The following CSGALNACT1 variants were observed in gnomAD, a reference collection of about 807,000 sequenced individuals.
The protein encoded by CSGALNACT1 is chondroitin sulfate N-acetylgalactosaminyltransferase 1, also known as beta4GalNAcT-1.
In CSGALNACT1, 52 loss-of-function variants were observed where a neutral mutation model predicts 51.0. The ratio of observed to expected loss-of-function variants is 1.02; its 90% CI spans 0.82 to 1.29. The LOEUF (loss-of-function observed/expected upper bound fraction) is 1.29, where lower values mean the gene tolerates loss of function less well. Among genes scored for constraint, CSGALNACT1 ranks in the 50% most tolerant of loss-of-function variants. The probability of loss-of-function intolerance (pLI) is 0.00; values close to 1 mark genes in which losing one functional copy is unlikely to be tolerated. For synonymous variants in CSGALNACT1, 341 were observed against 254.4 expected, an observed-to-expected ratio of 1.34 and a Z score of -3.24; for missense variants, 935 against 679.2, an observed-to-expected ratio of 1.38 and a Z score of -4.19.
intron 1 of CSGALNACT1, among the ~76,000 whole-genome samples, chr8:19,713,033 A>G (rs775365996): frequency 6.6e-6 from 1 of 152,154 alleles, no homozygotes. Context: ...TCTTCCTCCC[A>G]TCTTTCCAGT....
chr8:19,508,684 A>G (rs2077838988), intron 3 of CSGALNACT1, among the ~76,000 whole-genome samples: 1 of 152,244 alleles, frequency 6.6e-6, no homozygotes. Flanking sequence ...GTCGTTAAAG[A>G]CAAAACAAGC....
chr8:19,657,200 C>G (rs761358220), intron 1 of CSGALNACT1, among the ~76,000 whole-genome samples: 2 of 146,966 alleles, frequency 1.4e-5, no homozygotes, highest in African/African-American at 5.0e-5. Flanking sequence ...CTGTAGAAAT[C>G]CAGAATAAAC....
chr8:19,677,050 C>A (rs989128298), intron 1 of CSGALNACT1, among the ~76,000 whole-genome samples: 3 of 151,546 alleles, frequency 2.0e-5, no homozygotes, highest in Non-Finnish European at 2.9e-5. Context: ...GTAGAAAATT[C>A]TTTCAGTAAA....
At chr8:19,560,992 A>C (rs2040579907) in intron 3 of CSGALNACT1, among the ~76,000 whole-genome samples, 1 of 152,246 alleles carries the variant, frequency 6.6e-6, no homozygotes, top group South Asian at 2.1e-4. Flanking sequence ...CAGCAGAATA[A>C]ATGCATCTTA....
chr8:19,593,404 G>C (rs1315108232), intron 2 of CSGALNACT1, among the ~76,000 whole-genome samples: 1 of 152,116 alleles, frequency 6.6e-6, no homozygotes, highest in African/African-American at 2.4e-5. Context: ...GGTCCTCCTG[G>C]GGCACCACAA....
At chr8:19,438,382 A>G (rs962135528) in intron 6 of CSGALNACT1, among the ~76,000 whole-genome samples, 4 of 152,310 alleles carry the variant, frequency 2.6e-5, no homozygotes, top group South Asian at 2.1e-4. Context: ...ACATGAATTT[A>G]TATCATTCAT....
At chr8:19,569,541 T>G (rs955425479) in intron 3 of CSGALNACT1, among the ~76,000 whole-genome samples, 3 of 152,184 alleles carry the variant, frequency 2.0e-5, no homozygotes, top group African/African-American at 7.2e-5. Context: ...ACTTTTAAAT[T>G]AGAGCTAGCA....
upstream of CSGALNACT1, chr8:19,602,775 G>C (rs2050726683): frequency 6.6e-6 from 1 of 152,016 alleles, no homozygotes; most frequent in Admixed American, 6.6e-5. Context: ...AGAGGTGCAA[G>C]CAAAATACTC....
intron 5 of CSGALNACT1, among the ~76,000 whole-genome samples, chr8:19,455,867 C>A (rs1483228913): frequency 1.3e-5 from 2 of 152,224 alleles, no homozygotes; most frequent in Non-Finnish European, 2.9e-5. Context: ...TTCAATTCAT[C>A]TTCTGATCCC....
At chr8:19,471,139 AG>A (rs970714195) in intron 4 of CSGALNACT1, among the ~76,000 whole-genome samples, 25 of 151,798 alleles carry the variant, frequency 1.6e-4, no homozygotes, top group African/African-American at 6.1e-4. Flanking sequence ...GGAGAGAGAG[AG>A]AAAAAAAAAG....
At chr8:19,447,233 T>A (rs539685497) in intron 5 of CSGALNACT1, among the ~76,000 whole-genome samples, 1 of 152,132 alleles carries the variant, frequency 6.6e-6, no homozygotes, top group Admixed American at 6.5e-5. Flanking sequence ...CTGAGCCACA[T>A]GAGGAATGCA....
At chr8:19,418,885 C>T in intron 7 of CSGALNACT1, 135 bp from the exon 7 acceptor site, 2 of 706,520 alleles carry the variant, frequency 2.8e-6, no homozygotes, top group Non-Finnish European at 2.6e-6. Context: ...GTCTCACTGT[C>T]ACCCAGGCTG....
chr8:19,630,510 G>C (rs569852435), intron 1 of CSGALNACT1, among the ~76,000 whole-genome samples: 1 of 151,912 alleles, frequency 6.6e-6, no homozygotes, highest in South Asian at 2.1e-4. Flanking sequence ...TTTACATTAG[G>C]ATTCACTCTT....
chr8:19,597,828 C>T (rs895003991), intron 2 of CSGALNACT1, among the ~76,000 whole-genome samples: 4 of 152,240 alleles, frequency 2.6e-5, no homozygotes, highest in African/African-American at 9.6e-5. Context: ...TAGGAACATA[C>T]ATATGCTAGA....
intron 6 of CSGALNACT1, among the ~76,000 whole-genome samples, chr8:19,426,674 A>G (rs2058823278): frequency 2.6e-5 from 4 of 152,310 alleles, no homozygotes; most frequent in Admixed American, 2.0e-4. Context: ...CTGTTTTTAT[A>G]TAATAAATCT....
intron 2 of CSGALNACT1, among the ~76,000 whole-genome samples, chr8:19,598,454 C>T (rs745727001): frequency 5.8e-4 from 88 of 152,154 alleles, no homozygotes; most frequent in Non-Finnish European, 9.7e-4. Context: ...CAAAGGAAGG[C>T]CACTTTATAA....
In CSGALNACT1 at chr8:19,448,851, T is replaced by C. The variant is rs144404688; in HGVS notation, c.852-8920A>G. ...GAAATGACATGTAAAAGACCTGATG[T>C]TCCCAAACTCTATCTGTAGTCTTCT... On this transcript the variant is annotated intron_variant, in intron 5 of 9. Coordinates refer to ENST00000454498, the Ensembl canonical transcript of CSGALNACT1. Among the ~76,000 whole-genome samples the C allele has an allele frequency of 3.6e-3, 549 of 152,330 alleles. 2 individuals are homozygous for C. Among genetic ancestry groups the C allele is most frequent in the Non-Finnish European group, 5.8e-3 (395 of 68,024 alleles).
intron 3 of CSGALNACT1, among the ~76,000 whole-genome samples, chr8:19,527,174 G>A (rs969259129): frequency 2.0e-5 from 3 of 152,154 alleles, no homozygotes; most frequent in Admixed American, 6.5e-5. Flanking sequence ...CTAACTGCTA[G>A]GACAGAGGAA....
At chr8:19,525,157 C>G (rs1202814674) in intron 3 of CSGALNACT1, among the ~76,000 whole-genome samples, 1 of 152,200 alleles carries the variant, frequency 6.6e-6, no homozygotes, top group African/African-American at 2.4e-5. Flanking sequence ...AGGCCTGGCT[C>G]TCCTTCCAGG....
Sources: gnomAD v4.1 joint callset for allele counts (sites outside exome capture counted in the v4.1 genomes callset) on GRCh38, gnomAD v4.1.1 for gene constraint, MANE v1.5 for transcripts, NCBI Gene and HGNC (gene_info 2026-07-23, HGNC 2026-07-21) for gene names.